Variants in REPS2 observed in about 807,000 individuals in gnomAD.
The protein encoded by REPS2 is ralBP1-associated Eps domain-containing protein 2.
A neutral mutation model predicts 53.6 loss-of-function variants in REPS2; 23 were observed. The ratio of observed to expected loss-of-function variants is 0.43; its 90% confidence interval spans 0.31 to 0.61. The LOEUF is 0.61. Among genes scored for constraint, REPS2 ranks in the 20% least tolerant of loss-of-function variants. The pLI is 0.11. For synonymous variants in REPS2, 238 were observed against 218.6 expected, an observed-to-expected ratio of 1.09 and a Z score of -0.78; for missense variants, 446 against 534.9, an observed-to-expected ratio of 0.83 and a Z score of 1.64.
At chrX:17,138,569 A>G in intron 16 of REPS2, 1 of 190,491 alleles carries the variant, frequency 5.2e-6, no homozygotes, top group Non-Finnish European at 9.7e-6. Context: ...AATACTTATT[A>G]AAATGTCTTG....
intron 1 of REPS2, among the ~76,000 whole-genome samples, chrX:16,969,209 G>A (rs2060839657): frequency 9.1e-6 from 1 of 109,994 alleles, no homozygotes; most frequent in African/African-American, 3.3e-5. Context: ...AGATGGGATG[G>A]CGGCCAGGCA....
chrX:16,964,957 A>G (rs2060722940), intron 1 of REPS2, among the ~76,000 whole-genome samples: 1 of 66,781 alleles, frequency 1.5e-5, no homozygotes, highest in South Asian at 9.6e-4. Context: ...CTGGCCGGGC[A>G]GAGTGGCTCC....
At chrX:17,052,475 A>T in intron 7 of REPS2, 30 bp downstream of exon 7, 1 of 1,076,136 alleles carries the variant, frequency 9.3e-7, no homozygotes, top group South Asian at 2.1e-5. Flanking sequence ...TATGACATTC[A>T]TACCATCATC....
At chrX:17,032,814 T>C (rs965859570) in intron 5 of REPS2, among the ~76,000 whole-genome samples, 1 of 112,356 alleles carries the variant, frequency 8.9e-6, no homozygotes, top group African/African-American at 3.2e-5. Context: ...CTTATGCCAA[T>C]CCAGTGCCTA....
At chrX:17,050,169 T>C (rs942571186) in intron 6 of REPS2, among the ~76,000 whole-genome samples, 639 of 46,400 alleles carry the variant, frequency 0.014, 1 homozygote, top group East Asian at 0.087. Context: ...TTTCTTTCTT[T>C]CTTTCTTTCT....
At chrX:17,053,590 C>T (rs993105082) in intron 7 of REPS2, among the ~76,000 whole-genome samples, 1 of 111,881 alleles carries the variant, frequency 8.9e-6, no homozygotes, top group African/African-American at 3.3e-5. Flanking sequence ...AATCCTCCTG[C>T]CTTGGTTTCT....
At chrX:17,028,161 C>T (rs932093690) in intron 4 of REPS2, among the ~76,000 whole-genome samples, 5 of 111,592 alleles carry the variant, frequency 4.5e-5, no homozygotes, top group Non-Finnish European at 9.4e-5. Flanking sequence ...GGCCTGTTCC[C>T]CCATGTGTCT....
In REPS2 at chrX:17,024,054, C is replaced by T. The variant is rs748208739; in HGVS notation, c.547-1005C>T. On this transcript the variant is annotated intron_variant, in intron 3 of 17. Coordinates refer to ENST00000357277, the MANE Select transcript of REPS2 (RefSeq NM_004726.3). Reference sequence around the variant, plus strand: ...CTGTAATCCCAGCAGTTGGGGAGGCCGAAGCAGGAGGATTGCTTGAGCCCA... The same window carrying T: ...CTGTAATCCCAGCAGTTGGGGAGGCTGAAGCAGGAGGATTGCTTGAGCCCA... Among the ~76,000 whole-genome samples the T allele has an allele frequency of 5.6e-5, 6 of 106,656 alleles. No individual in the cohort carries two copies. The East Asian group carries it at 1.5e-3, about 26-fold the overall frequency. The allele number at this position is 106,656 out of a possible 115,157, so 92.6% of individuals were successfully genotyped here.
intron 7 of REPS2, among the ~76,000 whole-genome samples, chrX:17,053,261 T>C (rs2062026090): frequency 8.9e-6 from 1 of 112,469 alleles, no homozygotes; most frequent in South Asian, 3.6e-4. Flanking sequence ...TACTCATGCA[T>C]GTCAATGTAT....
chrX:17,134,954 C>A lies in REPS2; in HGVS notation c.1663-307C>A, dbSNP rs144220260. Among the ~76,000 whole-genome samples the A allele has an allele frequency of 7.9e-3, 882 of 111,294 alleles. 12 individuals carry two copies. The highest frequency in any genetic ancestry group is 0.028 in the African/African-American group (854 of 30,609). On this transcript the variant is annotated intron_variant, in intron 15 of 17. Coordinates refer to ENST00000357277, the MANE Select transcript of REPS2 (RefSeq NM_004726.3). Reference sequence around the variant, plus strand: ...AGGTTTAAAAGGCTTCAAAGTGAGGCAGGAGCCTATCTTGTCTTCAGTTAG... The same window carrying A: ...AGGTTTAAAAGGCTTCAAAGTGAGGAAGGAGCCTATCTTGTCTTCAGTTAG...
chrX:17,180,151 C>T, the REPS2 span, among the ~76,000 whole-genome samples: 1 of 111,276 alleles, frequency 9.0e-6, no homozygotes, highest in Non-Finnish European at 1.9e-5. Context: ...GAATCATGGT[C>T]GCAGTGGTGA....
rs1229797517 is a variant in REPS2 at position 17,133,819 on chromosome X, T to C, written c.1579-5T>C. 3 of 1,206,471 alleles carry C rather than the reference T, an allele frequency of 2.5e-6. No individual in the cohort carries two copies. The highest frequency in any genetic ancestry group is 4.3e-5 in the Admixed American group (2 of 46,066). Reference sequence around the variant, plus strand: ...TTCTGTCCTCTCTCTGATCTCTTGCTACAGTCTGAACAAGTGTCGGAGGCC... The same window carrying C: ...TTCTGTCCTCTCTCTGATCTCTTGCCACAGTCTGAACAAGTGTCGGAGGCC... On this transcript the variant is annotated splice_polypyrimidine_tract_variant and splice_region_variant and intron_variant, in intron 14 of 17. Transcript: ENST00000357277.
At chrX:17,050,111 CTA>C (rs1273652660) in intron 6 of REPS2, among the ~76,000 whole-genome samples, 1 of 88,519 alleles carries the variant, frequency 1.1e-5, no homozygotes, top group African/African-American at 4.0e-5. Flanking sequence ...TCTGCCTTTT[CTA>C]TGTTTCTTCT....
At chrX:17,110,815 A>C (rs2062958565) in intron 14 of REPS2, among the ~76,000 whole-genome samples, 1 of 111,450 alleles carries the variant, frequency 9.0e-6, no homozygotes, top group Non-Finnish European at 1.9e-5. Context: ...GGAGTTCGAG[A>C]CCAGCCTGAC....
chrX:17,132,735 G>A (rs1249947070), intron 14 of REPS2, among the ~76,000 whole-genome samples: 5 of 110,984 alleles, frequency 4.5e-5, no homozygotes, highest in African/African-American at 1.3e-4. Context: ...ACGGGGTTTC[G>A]CCATGTTGGT....
At chrX:17,070,485 G>T (rs1276955796) in intron 11 of REPS2, among the ~76,000 whole-genome samples, 2 of 111,973 alleles carry the variant, frequency 1.8e-5, no homozygotes, top group African/African-American at 3.2e-5. Flanking sequence ...AATAAAAGTT[G>T]TCCAGTTTTT....
chrX:16,994,786 C>A (rs2061210825), intron 1 of REPS2, among the ~76,000 whole-genome samples: 1 of 111,378 alleles, frequency 9.0e-6, no homozygotes, highest in Non-Finnish European at 1.9e-5. Context: ...AACCAAATAC[C>A]ATCTGTTCCC....
downstream of REPS2, among the ~76,000 whole-genome samples, chrX:17,156,769 C>CA (rs1440398131): frequency 2.7e-5 from 3 of 111,250 alleles, no homozygotes; most frequent in Non-Finnish European, 5.7e-5. Context: ...TCAAGGAAAC[C>CA]AAAGTAAATT....
At chrX:17,107,245 TA>T (rs1397996867) in intron 14 of REPS2, among the ~76,000 whole-genome samples, 2 of 112,472 alleles carry the variant, frequency 1.8e-5, no homozygotes, top group Non-Finnish European at 3.8e-5. Flanking sequence ...AATCGGTTCA[TA>T]GATTGCTCAG....
Sources: gnomAD v4.1 joint callset for allele counts (sites outside exome capture counted in the v4.1 genomes callset) on GRCh38, gnomAD v4.1.1 for gene constraint, MANE v1.5 for transcripts, NCBI Gene and HGNC (gene_info 2026-07-23, HGNC 2026-07-21) for gene names.